Variants in TNRC6A observed in about 807,000 individuals in gnomAD.
TNRC6A encodes the protein trinucleotide repeat containing adaptor 6A.
TNRC6A carries 44 observed loss-of-function variants against 221.2 expected under a neutral mutation model. That is an observed-to-expected ratio of 0.20 (90% confidence interval 0.16 to 0.26). The LOEUF (loss-of-function observed/expected upper bound fraction) is 0.26, where lower values mean the gene tolerates loss of function less well. Ranked by LOEUF, TNRC6A falls within the 10% of genes least tolerant of loss-of-function variation. The probability of loss-of-function intolerance (pLI) is 1.00; values close to 1 mark genes in which losing one functional copy is unlikely to be tolerated. For missense variants in TNRC6A, 2,199 were observed against 2,404.4 expected (o/e 0.91, Z 1.79); for synonymous variants, 847 against 838.5 (o/e 1.01, Z -0.18).
chr16:24,735,684 T>C (rs1234559593), intron 2 of TNRC6A, among the ~76,000 whole-genome samples: 2 of 152,346 alleles, frequency 1.3e-5, no homozygotes, highest in East Asian at 1.9e-4. Flanking sequence ...TAAGCTCTTT[T>C]GATTTTTGGC....
In TNRC6A at chr16:24,806,191, CTA is replaced by C. The variant is rs767958282; in HGVS notation, c.4252-13_4252-12del. On this transcript the variant is annotated splice_polypyrimidine_tract_variant and intron_variant, in intron 15 of 24. Transcript: ENST00000395799. ...TGGTGTGATAGTAACAACCTTTTCGCTATCTTTCCTCTAGCGATTGTTAGCGC... is the reference window on the plus strand; with the variant it reads ...TGGTGTGATAGTAACAACCTTTTCGCTCTTTCCTCTAGCGATTGTTAGCGC... 4 of 1,613,328 alleles carry C rather than the reference CTA, an allele frequency of 2.5e-6. No individual in the cohort carries two copies. The Admixed American group carries it at 6.7e-5, about 27-fold the overall frequency.
chr16:24,771,520 T>TTATGTTATGTTATGG lies in TNRC6A; in HGVS notation c.164-5399_164-5398insGTATGTTATGTTATG, dbSNP rs1555502094. Reference sequence around the variant, plus strand: ...TAAAGTTATCTGAGCCTGGTGCATGTTATGTTATGTTATGTTATGTTATGT... The same window carrying TTATGTTATGTTATGG: ...TAAAGTTATCTGAGCCTGGTGCATGTTATGTTATGTTATGGTATGTTATGTTATGTTATGTTATGT... On this transcript the variant is annotated intron_variant, in intron 4 of 24. Transcript: ENST00000395799. Among the ~76,000 whole-genome samples, 46 of 80,562 alleles carry TTATGTTATGTTATGG rather than the reference T, an allele frequency of 5.7e-4. 1 individual carries two copies. The highest frequency in any genetic ancestry group is 7.0e-5 in the Non-Finnish European group (3 of 42,716). 52.9% of individuals were successfully genotyped at this position (80,562 alleles called of 152,430 possible). A position where few individuals can be genotyped will look rare whatever the true frequency, so the allele number is the denominator to read the frequency against.
At chr16:24,802,192 A>G (rs2058344683) in intron 11 of TNRC6A, among the ~76,000 whole-genome samples, 1 of 152,188 alleles carries the variant, frequency 6.6e-6, no homozygotes, top group South Asian at 2.1e-4. Flanking sequence ...GAAATGATGG[A>G]TGAGATTTGA....
rs192333092 is a variant in TNRC6A at position 24,671,388 on chromosome 16, C to T, written n.402+30379C>T. On this transcript the variant is annotated intron_variant and non_coding_transcript_variant, in intron 2 of 2. Transcript: ENST00000566108. The stretch of plus-strand genomic sequence containing the variant: ...GTGAGGAAAGAATGAGACAAGTTTG[C>T]GCATTGACGCGGCTTGGACTCTGGG... Among the ~76,000 whole-genome samples the T allele has an allele frequency of 1.2e-3, 182 of 152,242 alleles. 2 individuals carry two copies. Among genetic ancestry groups the T allele is most frequent in the African/African-American group, 3.2e-3 (135 of 41,554 alleles).
chr16:24,723,837 A>G (rs942190276), intron 2 of TNRC6A, among the ~76,000 whole-genome samples: 1 of 152,150 alleles, frequency 6.6e-6, no homozygotes, highest in Non-Finnish European at 1.5e-5. Context: ...GTTGTTCTCC[A>G]TTCCAGAAAA....
chr16:24,731,779 G>T (rs2056649422), intron 2 of TNRC6A, among the ~76,000 whole-genome samples: 1 of 152,208 alleles, frequency 6.6e-6, no homozygotes, highest in South Asian at 2.1e-4. Flanking sequence ...TAGAACTCGA[G>T]TCTGGGTTGG....
intron 2 of TNRC6A, among the ~76,000 whole-genome samples, chr16:24,689,332 G>A (rs190720427): frequency 4.0e-4 from 61 of 152,308 alleles, no homozygotes; most frequent in African/African-American, 1.3e-3. Flanking sequence ...TGGCAGCGAG[G>A]AAGGTGGGCA....
chr16:24,714,418 C>T (rs1402268115), intron 2 of TNRC6A, among the ~76,000 whole-genome samples: 1 of 148,044 alleles, frequency 6.8e-6, no homozygotes, highest in African/African-American at 2.5e-5. Context: ...ACACCATTCT[C>T]CTGCCTCAGC....
chr16:24,639,479 C>A (rs556693948), intron 1 of TNRC6A, among the ~76,000 whole-genome samples: 4 of 152,084 alleles, frequency 2.6e-5, no homozygotes, highest in African/African-American at 9.6e-5. Flanking sequence ...GGCAACAGAG[C>A]AAGACCCTCT....
At chr16:24,769,938 G>C (rs1159925034) in intron 4 of TNRC6A, among the ~76,000 whole-genome samples, 1 of 152,188 alleles carries the variant, frequency 6.6e-6, no homozygotes, top group African/African-American at 2.4e-5. Context: ...TTCAGGAAAT[G>C]CTAGTGATAA....
Position 24,812,019 on chromosome 16 carries a change from A to ATTTTTTTTTTT in TNRC6A, c.4672+2575_4672+2585dup, listed in dbSNP as rs71156440. Among the ~76,000 whole-genome samples, 19 of 40,854 alleles carry ATTTTTTTTTTT rather than the reference A, an allele frequency of 4.7e-4. 3 individuals carry two copies. The highest frequency in any genetic ancestry group is 1.1e-3 in the South Asian group (1 of 912). The allele number at this position is 40,854 out of a possible 152,430, so 26.8% of individuals were successfully genotyped here. On this transcript the variant is annotated intron_variant, in intron 18 of 24. Transcript: ENST00000395799. ...CCGTTCAGGGGAATGTCACTTTGGG[A>ATTTTTTTTTTT]TTTTTTTTTTTTTTTTTTTTTTTTT... is the stretch of plus-strand genomic sequence containing the variant.
At chr16:24,655,989 A>T (rs1337772146) in intron 2 of TNRC6A, among the ~76,000 whole-genome samples, 1 of 151,472 alleles carries the variant, frequency 6.6e-6, no homozygotes, top group African/African-American at 2.4e-5. Flanking sequence ...AAAAATTTTT[A>T]AAAATTAGCC....
At chr16:24,761,609 A>G (rs2057365357) in intron 4 of TNRC6A, among the ~76,000 whole-genome samples, 1 of 151,948 alleles carries the variant, frequency 6.6e-6, no homozygotes, top group Admixed American at 6.6e-5. Flanking sequence ...TGTAGTGCAC[A>G]ATCATAGCTC....
At chr16:24,794,497 T>C in intron 7 of TNRC6A, 47 bp from the exon 8 acceptor site, 1 of 1,569,686 alleles carries the variant, frequency 6.4e-7, no homozygotes, top group East Asian at 2.2e-5. Context: ...CAGAAGGAAT[T>C]CTTTTATTAA....
chr16:24,645,368 G>T (rs991409396), intron 2 of TNRC6A, among the ~76,000 whole-genome samples: 2 of 151,924 alleles, frequency 1.3e-5, no homozygotes, highest in Non-Finnish European at 2.9e-5. Flanking sequence ...TAGTCCGGTG[G>T]TAGTGGTGCA....
chr16:24,723,548 C>T (rs556952941), intron 2 of TNRC6A, among the ~76,000 whole-genome samples: 7 of 149,070 alleles, frequency 4.7e-5, no homozygotes, highest in African/African-American at 1.5e-4. Context: ...GAGCCAAGAA[C>T]GTACCACTGC....
chr16:24,774,245 CCTT>C (rs1300902928), intron 4 of TNRC6A, among the ~76,000 whole-genome samples: 2 of 152,186 alleles, frequency 1.3e-5, no homozygotes, highest in African/African-American at 4.8e-5. Context: ...ACTGTTTACT[CCTT>C]CTGCACTCAT....
chr16:24,721,367 G>C (rs1021860891), intron 2 of TNRC6A, among the ~76,000 whole-genome samples: 3 of 152,040 alleles, frequency 2.0e-5, no homozygotes, highest in South Asian at 2.1e-4. Flanking sequence ...CAACCCAAAT[G>C]TCAATTAACA....
At chr16:24,806,870 C>A (rs1214038902) in intron 17 of TNRC6A, 86 bp downstream of exon 17, 3 of 1,286,546 alleles carry the variant, frequency 2.3e-6, no homozygotes, top group Non-Finnish European at 2.2e-6. Flanking sequence ...CAGCTCTGTT[C>A]CTTCATGAAA....
Sources: gnomAD v4.1 joint callset for allele counts (sites outside exome capture counted in the v4.1 genomes callset) on GRCh38, gnomAD v4.1.1 for gene constraint, MANE v1.5 for transcripts, NCBI Gene and HGNC (gene_info 2026-07-23, HGNC 2026-07-21) for gene names.